Variants in LARGE1 observed in about 807,000 individuals in gnomAD.
LARGE1 encodes the protein LARGE xylosyl- and glucuronyltransferase 1.
In LARGE1, 43 loss-of-function variants were observed where a neutral mutation model predicts 87.6. That is an observed-to-expected ratio of 0.49 (90% CI 0.38 to 0.63). The LOEUF is 0.63. Among genes scored for constraint, LARGE1 ranks in the 30% least tolerant of loss-of-function variants. The pLI, the probability that LARGE1 is intolerant of heterozygous loss-of-function variation, is 0.00. For missense variants in LARGE1, 802 were observed against 1,000.2 expected, an observed-to-expected ratio of 0.80 and a Z score of 2.67; for synonymous variants, 434 against 394.6, an observed-to-expected ratio of 1.10 and a Z score of -1.18.
At chr22:33,302,063 T>C (rs1934221767) in intron 12 of LARGE1, among the ~76,000 whole-genome samples, 1 of 152,146 alleles carries the variant, frequency 6.6e-6, no homozygotes, top group African/African-American at 2.4e-5. Context: ...AGGGGTCCAA[T>C]CCTGAAGCCT....
chr22:33,806,857 A>G (rs562322686), intron 1 of LARGE1, among the ~76,000 whole-genome samples: 2 of 152,292 alleles, frequency 1.3e-5, no homozygotes, highest in East Asian at 3.9e-4. Flanking sequence ...TAAAAATACA[A>G]AAATTAGCTG....
chr22:33,597,416 G>A (rs1182060480), intron 5 of LARGE1, among the ~76,000 whole-genome samples: 1 of 150,128 alleles, frequency 6.7e-6, no homozygotes. Context: ...GAAACAGATA[G>A]GGTAGCAGCA....
At chr22:33,567,755 C>T (rs2078071098) in intron 5 of LARGE1, among the ~76,000 whole-genome samples, 1 of 152,144 alleles carries the variant, frequency 6.6e-6, no homozygotes, top group African/African-American at 2.4e-5. Flanking sequence ...ACCCCTCACA[C>T]AGCTCTCACC....
chr22:33,355,638 TA>T (rs1309844187), intron 9 of LARGE1, among the ~76,000 whole-genome samples: 1 of 122,168 alleles, frequency 8.2e-6, no homozygotes, highest in African/African-American at 2.5e-5. Flanking sequence ...ATCTCAAAAG[TA>T]GATCTTCTAA....
intron 2 of LARGE1, among the ~76,000 whole-genome samples, chr22:33,688,875 G>A (rs2149329177): frequency 6.6e-6 from 1 of 152,052 alleles, no homozygotes; most frequent in East Asian, 1.9e-4. Flanking sequence ...CACGCTGATT[G>A]GTCCCAGTGG....
At chr22:33,538,113 T>C (rs969133622) in intron 6 of LARGE1, among the ~76,000 whole-genome samples, 9 of 152,138 alleles carry the variant, frequency 5.9e-5, no homozygotes, top group African/African-American at 1.7e-4. Flanking sequence ...CTCCATGCCT[T>C]TTCCAAGGTG....
In LARGE1 at chr22:33,780,946, A is replaced by G. The variant is rs1225503824; in HGVS notation, c.-82-19388T>C. 1.3e-5 allele frequency among the ~76,000 whole-genome samples: 2 copies of G among 152,240 alleles called. 1 individual carries two copies. The highest frequency in any genetic ancestry group is 6.3e-3 in the Middle Eastern group (2 of 316). On this transcript the variant is annotated intron_variant, in intron 1 of 14. Coordinates refer to ENST00000397394, the MANE Select transcript of LARGE1 (RefSeq NM_133642.5). Reference sequence around the variant, plus strand: ...TCTGGTTAATAAGTGCTAGGTCATTAGTTGTGGGGCTGTCAGTAGAACCCA... The same window carrying G: ...TCTGGTTAATAAGTGCTAGGTCATTGGTTGTGGGGCTGTCAGTAGAACCCA...
At chr22:33,381,889 C>T in intron 9 of LARGE1, 30 bp downstream of exon 9, 1 of 1,613,630 alleles carries the variant, frequency 6.2e-7, no homozygotes, top group South Asian at 1.1e-5. Flanking sequence ...CCTCACCCTA[C>T]CTCCAGGGAT....
chr22:33,249,598 T>C (rs1236335330), intron 11 of LARGE1, among the ~76,000 whole-genome samples: 1 of 152,240 alleles, frequency 6.6e-6, no homozygotes, highest in East Asian at 1.9e-4. Flanking sequence ...TGTTGTCGTA[T>C]CTAAAAGTCA....
At chr22:33,910,454 A>G in intron 1 of LARGE1, among the ~76,000 whole-genome samples, 1 of 152,134 alleles carries the variant, frequency 6.6e-6, no homozygotes, top group East Asian at 1.9e-4. Flanking sequence ...CCTAATCACT[A>G]AGACCCAAAT....
At chr22:33,345,272 AAGT>A (rs1939623931) in intron 9 of LARGE1, among the ~76,000 whole-genome samples, 1 of 152,200 alleles carries the variant, frequency 6.6e-6, no homozygotes, top group Non-Finnish European at 1.5e-5. Context: ...CACAGCTAGA[AAGT>A]AGGAGAGTCA....
At chr22:33,625,666 C>T (rs917928151) in intron 4 of LARGE1, among the ~76,000 whole-genome samples, 5 of 152,186 alleles carry the variant, frequency 3.3e-5, no homozygotes, top group Admixed American at 2.0e-4. Flanking sequence ...CTTTTGAGGC[C>T]GCTCTCTTGA....
chr22:33,650,066 G>A (rs2080745849), intron 3 of LARGE1, among the ~76,000 whole-genome samples: 1 of 152,144 alleles, frequency 6.6e-6, no homozygotes, highest in African/African-American at 2.4e-5. Flanking sequence ...TAGAAACCCT[G>A]CGCATGTCAA....
intron 9 of LARGE1, among the ~76,000 whole-genome samples, chr22:33,378,424 G>A (rs1009921308): frequency 6.6e-6 from 1 of 152,126 alleles, no homozygotes; most frequent in Admixed American, 6.5e-5. Context: ...TACTCTTTGT[G>A]GATCCTGACT....
At chr22:33,471,595 A>G (rs2068844512) in intron 6 of LARGE1, among the ~76,000 whole-genome samples, 1 of 152,054 alleles carries the variant, frequency 6.6e-6, no homozygotes, top group Non-Finnish European at 1.5e-5. Flanking sequence ...GCCAATATGG[A>G]CCATGCTGAA....
chr22:33,283,532 T>C (rs1443365523), intron 12 of LARGE1, among the ~76,000 whole-genome samples, 184 bp from the exon 13 acceptor site: 1 of 152,128 alleles, frequency 6.6e-6, no homozygotes, highest in Admixed American at 6.5e-5. Context: ...TCCCAGCCTT[T>C]GAGAGGCCGA....
At chr22:33,828,129 G>C (rs2062852759) in intron 1 of LARGE1, among the ~76,000 whole-genome samples, 1 of 152,174 alleles carries the variant, frequency 6.6e-6, no homozygotes, top group Non-Finnish European at 1.5e-5. Flanking sequence ...TCTCAGGAGG[G>C]GAGAAGATGA....
intron 5 of LARGE1, among the ~76,000 whole-genome samples, chr22:33,593,001 G>A (rs977594813): frequency 2.6e-5 from 4 of 152,018 alleles, no homozygotes; most frequent in African/African-American, 7.2e-5. Context: ...CACCACATCC[G>A]GCTAATTTTT....
At chr22:33,475,423 CATATTTAT>C (rs1293030177) in intron 6 of LARGE1, among the ~76,000 whole-genome samples, 59 of 138,848 alleles carry the variant, frequency 4.2e-4, no homozygotes, top group African/African-American at 1.5e-3. Context: ...ATCAGTGAGT[CATATTTAT>C]TTATTTATTT....
Sources: gnomAD v4.1 joint callset for allele counts (sites outside exome capture counted in the v4.1 genomes callset) on GRCh38, gnomAD v4.1.1 for gene constraint, MANE v1.5 for transcripts, NCBI Gene and HGNC (gene_info 2026-07-23, HGNC 2026-07-21) for gene names.